The following TDRKH variants were observed in gnomAD, a reference collection of about 807,000 sequenced individuals.
TDRKH encodes the protein tudor and KH domain-containing protein.
A neutral mutation model predicts 61.3 loss-of-function variants in TDRKH; 28 were observed. The observed-to-expected ratio is 0.46, with a 90% CI of 0.34 to 0.63. The LOEUF is 0.63. TDRKH is among the 20% of genes least tolerant of loss of function. The pLI is 0.01. For missense variants in TDRKH, 540 were observed against 683.4 expected, an observed-to-expected ratio of 0.79 and a Z score of 2.34; for synonymous variants, 219 against 244.4, an observed-to-expected ratio of 0.90 and a Z score of 0.97.
At chr1:151,784,934 T>C (rs1297224660) in intron 1 of TDRKH, among the ~76,000 whole-genome samples, 1 of 119,142 alleles carries the variant, frequency 8.4e-6, no homozygotes, top group Non-Finnish European at 1.9e-5. Flanking sequence ...TGGCAATTCG[T>C]TTTTTTTTTT....
At chr1:151,771,398 A>C (rs905625343), downstream of TDRKH, 124 of 1,320,400 alleles carry the variant, frequency 9.4e-5, no homozygotes, top group Non-Finnish European at 1.1e-4. Context: ...ACACCTTAAC[A>C]GAGCTAAATT....
At position 151,774,754 on chromosome 1, in the gene TDRKH, C is replaced by G; in HGVS notation, c.1589G>C (p.Ser530Thr). ...CAGGGTATGTGTTATCTCTCCAGAG[C>G]TCTTTTTGGTCTCAGTGAGCAACGT... ...LSTLLTETKK[S>T]SGEITHTLSC... The change falls in exon 12 of 13, where the codon AGC becomes ACC. Residue 530 changes from serine (S) to threonine (T), a missense_variant. Ser to Thr is a moderately conservative substitution (Grantham distance 58). Transcript: ENST00000368824. The G allele has an allele frequency of 6.2e-7, 1 of 1,614,190 alleles. No individual in the cohort carries two copies. The highest frequency in any genetic ancestry group is 8.5e-7 in the Non-Finnish European group (1 of 1,180,036).
downstream of TDRKH, among the ~76,000 whole-genome samples, chr1:151,769,856 C>G (rs563063778): frequency 6.6e-6 from 1 of 152,238 alleles, no homozygotes; most frequent in Non-Finnish European, 1.5e-5. Context: ...GCAGATCACT[C>G]GTGGTTAGGA....
downstream of TDRKH, chr1:151,767,571 G>C (rs894877586): frequency 2.1e-6 from 1 of 484,930 alleles, no homozygotes; most frequent in African/African-American, 2.0e-5. Context: ...ACATAAAGCT[G>C]TTTATGCCAA....
chr1:151,779,017 CAA>C lies in TDRKH; in HGVS notation c.562-13_562-12del, dbSNP rs1558143406. On this transcript the variant is annotated splice_polypyrimidine_tract_variant and intron_variant, in intron 5 of 12. Transcript: ENST00000368824. ...CTCCAGTATCAAATGCTGTGGAAAA[CAA>C]GAGAAAGGATGATATTCTGACCTGG... is the stretch of plus-strand genomic sequence containing the variant. The C allele has an allele frequency of 6.2e-7, 1 of 1,612,602 alleles. No individual in the cohort carries two copies. Among genetic ancestry groups the C allele is most frequent in the Non-Finnish European group, 8.5e-7 (1 of 1,179,044 alleles).
At chr1:151,774,593 T>G in intron 12 of TDRKH, 89 bp from the exon 13 acceptor site, 1 of 1,582,386 alleles carries the variant, frequency 6.3e-7, no homozygotes, top group Non-Finnish European at 8.7e-7. Flanking sequence ...AATGGACCTC[T>G]TGGTACTCAA....
intron 1 of TDRKH, among the ~76,000 whole-genome samples, chr1:151,784,852 T>C (rs1650169264): frequency 6.6e-6 from 1 of 151,980 alleles, no homozygotes; most frequent in Non-Finnish European, 1.5e-5. Flanking sequence ...ATTTGATGTC[T>C]AATAGACATC....
chr1:151,766,992 G>C, downstream of TDRKH: 7 of 1,365,096 alleles, frequency 5.1e-6, no homozygotes, highest in Non-Finnish European at 7.1e-6. Flanking sequence ...CAACAGAATA[G>C]GGGGTGGAAA....
At chr1:151,766,679 C>T (rs149966336), downstream of TDRKH, 73 of 1,550,892 alleles carry the variant, frequency 4.7e-5, no homozygotes, top group African/African-American at 9.7e-4. Context: ...TGCCACCCAC[C>T]TGTGAACTTC....
intron 6 of TDRKH, among the ~76,000 whole-genome samples, chr1:151,777,599 T>C (rs926979965): frequency 6.6e-6 from 1 of 152,156 alleles, no homozygotes; most frequent in Non-Finnish European, 1.5e-5. Flanking sequence ...TCAAGTAAAA[T>C]ATTATTACCA....
chr1:151,770,507 A>G (rs1332222438), downstream of TDRKH: 3 of 445,864 alleles, frequency 6.7e-6, no homozygotes, highest in Non-Finnish European at 4.0e-6. Flanking sequence ...ATTACACAGA[A>G]TCCATTCAAG....
At chr1:151,766,935 GAA>G (rs780421305), downstream of TDRKH, 5 of 1,509,738 alleles carry the variant, frequency 3.3e-6, no homozygotes, top group South Asian at 6.0e-5. Context: ...AAAATGTAAG[GAA>G]AAAGTAAAAG....
At chr1:151,766,645 A>T, downstream of TDRKH, 1 of 1,535,892 alleles carries the variant, frequency 6.5e-7, no homozygotes, top group South Asian at 1.2e-5. Context: ...CTGGGTCACA[A>T]TGCCACCAGG....
chr1:151,780,297 AC>A (rs1311481903), intron 3 of TDRKH, among the ~76,000 whole-genome samples, 157 bp from the exon 4 acceptor site: 19 of 59,004 alleles, frequency 3.2e-4, no homozygotes, highest in African/African-American at 8.5e-4. Context: ...TTTATATACA[AC>A]CTCAGTTACT....
chr1:151,779,390 A>T, intron 4 of TDRKH, 148 bp from the exon 5 acceptor site: 4 of 1,107,616 alleles, frequency 3.6e-6, no homozygotes, highest in Non-Finnish European at 5.0e-6. Flanking sequence ...GGAAATCAGG[A>T]GCTACTGAAA....
At chr1:151,770,960 T>C, downstream of TDRKH, 1 of 1,411,386 alleles carries the variant, frequency 7.1e-7, no homozygotes, top group Non-Finnish European at 9.3e-7. Context: ...GCACATCCTA[T>C]ATGCCTGCAC....
chr1:151,773,313 G>C (rs914174391), downstream of TDRKH, among the ~76,000 whole-genome samples: 16 of 152,310 alleles, frequency 1.1e-4, no homozygotes, highest in African/African-American at 3.8e-4. Context: ...GAGCTACCGT[G>C]CCCAGCCAGT....
intron 6 of TDRKH, 54 bp downstream of exon 6, chr1:151,778,631 C>T (rs994684629): frequency 8.1e-6 from 13 of 1,603,998 alleles, no homozygotes; most frequent in Non-Finnish European, 9.4e-6. Context: ...TCTCCAATAT[C>T]TAAGCCAGTA....
intron 1 of TDRKH, among the ~76,000 whole-genome samples, chr1:151,784,748 T>C (rs1650159380): frequency 6.6e-6 from 1 of 152,146 alleles, no homozygotes; most frequent in Non-Finnish European, 1.5e-5. Flanking sequence ...TCAAGTCTCA[T>C]TCACGGACTG....
Sources: allele counts gnomAD v4.1 joint callset (sites outside exome capture counted in the v4.1 genomes callset), GRCh38; gene constraint gnomAD v4.1.1; transcripts MANE v1.5; gene names NCBI Gene and HGNC (gene_info 2026-07-23, HGNC 2026-07-21).